The following FOXN3 variants were observed in gnomAD, a reference collection of about 807,000 sequenced individuals.
FOXN3 encodes the protein forkhead box N3, also known as forkhead box protein N3.
A neutral mutation model predicts 38.4 loss-of-function variants in FOXN3; 7 were observed. That is an observed-to-expected ratio of 0.18 (90% CI 0.10 to 0.34). The LOEUF is 0.34. Among genes scored for constraint, FOXN3 ranks in the 10% least tolerant of loss-of-function variants. The probability of loss-of-function intolerance (pLI) is 1.00; values close to 1 mark genes in which losing one functional copy is unlikely to be tolerated. For missense variants in FOXN3, 456 were observed against 613.4 expected (o/e 0.74, Z 2.71); for synonymous variants, 230 against 242.2 (o/e 0.95, Z 0.47).
intron 3 of FOXN3, among the ~76,000 whole-genome samples, chr14:89,287,340 GACAC>G (rs1886659338): frequency 6.6e-6 from 1 of 152,066 alleles, no homozygotes; most frequent in African/African-American, 2.4e-5. Context: ...TTTTAGTAGA[GACAC>G]AGTTTCGCCA....
chr14:89,293,983 C>T (rs1004681313), intron 3 of FOXN3, among the ~76,000 whole-genome samples: 17 of 152,198 alleles, frequency 1.1e-4, no homozygotes, highest in Non-Finnish European at 2.2e-4. Context: ...ACGGACCCAG[C>T]CTTTGGTAAT....
At position 89,162,383 on chromosome 14, in the gene FOXN3, CG is replaced by C; in HGVS notation, c.*30del. On this transcript the variant is annotated 3_prime_UTR_variant, in exon 6 of 6. Coordinates refer to ENST00000557258, the MANE Select transcript of FOXN3 (RefSeq NM_005197.4). This position sits in a 1 kb window ranked among gnomAD's most constrained non-coding sequence, Gnocchi z 7.2. ...TCCTGACATGCTGAAACCAAATGGTCGTAAGTTCAAAACAAATCAGTGACTT... is the reference window on the plus strand; with the variant it reads ...TCCTGACATGCTGAAACCAAATGGTCTAAGTTCAAAACAAATCAGTGACTT... The C allele has an allele frequency of 1.3e-6, 2 of 1,498,746 alleles. No individual in the cohort carries two copies. Among genetic ancestry groups the C allele is most frequent in the South Asian group, 1.4e-5 (1 of 72,532 alleles). 92.8% of individuals were successfully genotyped at this position (1,498,746 alleles called of 1,614,324 possible).
chr14:89,228,579 G>A (rs1373201540), intron 4 of FOXN3, among the ~76,000 whole-genome samples: 1 of 152,084 alleles, frequency 6.6e-6, no homozygotes, highest in Non-Finnish European at 1.5e-5. Flanking sequence ...AAAAGCATAG[G>A]TTTGAAGAGA....
chr14:89,296,743 C>A (rs1212048679), intron 3 of FOXN3, among the ~76,000 whole-genome samples: 1 of 152,212 alleles, frequency 6.6e-6, no homozygotes, highest in African/African-American at 2.4e-5. Flanking sequence ...TCAAGCGATT[C>A]TCCTGCCTCA....
intron 2 of FOXN3, among the ~76,000 whole-genome samples, chr14:89,411,247 G>T (rs2140096599): frequency 6.6e-6 from 1 of 152,302 alleles, no homozygotes; most frequent in African/African-American, 2.4e-5. Flanking sequence ...CACAAAATGG[G>T]TCCCTAGTGC....
At chr14:89,584,496 A>G (rs2139915889) in intron 1 of FOXN3, among the ~76,000 whole-genome samples, 1 of 152,302 alleles carries the variant, frequency 6.6e-6, no homozygotes, top group Admixed American at 6.5e-5. Flanking sequence ...TCACATTCCC[A>G]CCAGCAGAGT....
intron 1 of FOXN3, among the ~76,000 whole-genome samples, chr14:89,551,912 A>G (rs1895012427): frequency 6.6e-6 from 1 of 152,190 alleles, no homozygotes; most frequent in South Asian, 2.1e-4. Flanking sequence ...CTCACGCCAC[A>G]GCAAAAATTC....
intron 1 of FOXN3, among the ~76,000 whole-genome samples, chr14:89,426,792 G>A (rs759825264): frequency 7.9e-5 from 12 of 152,262 alleles, no homozygotes; most frequent in East Asian, 1.9e-4. Flanking sequence ...ACACACAGCC[G>A]GTAAATGATG....
chr14:89,379,154 C>T (rs575048232), intron 2 of FOXN3, among the ~76,000 whole-genome samples: 8 of 152,196 alleles, frequency 5.3e-5, no homozygotes, highest in Non-Finnish European at 8.8e-5. Flanking sequence ...ACGGGAAGAG[C>T]TTGCCCAAGA....
Position 89,204,698 on chromosome 14 carries a change from C to A in FOXN3, c.746-23892G>T, listed in dbSNP as rs181412754. Among the ~76,000 whole-genome samples, 73 of 152,294 alleles carry A rather than the reference C, an allele frequency of 4.8e-4. 2 individuals are homozygous for A. The East Asian group carries it at 0.014, about 29-fold the overall frequency. Reference sequence around the variant, plus strand: ...AGAGCCTGGTTCCTGGGAAGTCCTACATTGGTACAATGAGAAGGCTATGAT... The same window carrying A: ...AGAGCCTGGTTCCTGGGAAGTCCTAAATTGGTACAATGAGAAGGCTATGAT... On this transcript the variant is annotated intron_variant, in intron 4 of 5. Coordinates refer to ENST00000557258, the MANE Select transcript of FOXN3 (RefSeq NM_005197.4).
intron 1 of FOXN3, chr14:89,577,126 T>C (rs1895646138): frequency 6.6e-6 from 1 of 152,218 alleles, no homozygotes; most frequent in South Asian, 2.1e-4. Flanking sequence ...AAGACCCACG[T>C]GTAGCCACAG....
At chr14:89,426,298 C>T (rs113507464) in intron 1 of FOXN3, among the ~76,000 whole-genome samples, 48 of 144,148 alleles carry the variant, frequency 3.3e-4, no homozygotes, top group African/African-American at 1.3e-3. Flanking sequence ...GACCTCAGCT[C>T]ATTGCAATCT....
intron 2 of FOXN3, among the ~76,000 whole-genome samples, chr14:89,378,404 C>T (rs1429509857): frequency 6.6e-6 from 1 of 152,220 alleles, no homozygotes; most frequent in Non-Finnish European, 1.5e-5. Context: ...GGTCTGGGGA[C>T]AGCCCTTGCT....
rs146265118 is a variant in FOXN3, at chr14:89,189,889, C to G, written c.746-9083G>C. Among the ~76,000 whole-genome samples, 303 of 152,318 alleles carry G rather than the reference C, an allele frequency of 2.0e-3. 1 individual carries two copies. Among genetic ancestry groups the G allele is most frequent in the African/African-American group, 6.8e-3 (281 of 41,564 alleles). On this transcript the variant is annotated intron_variant, in intron 4 of 5. Coordinates refer to ENST00000557258, the MANE Select transcript of FOXN3 (RefSeq NM_005197.4). ...ATGGTCCAAGCTGGTAGCGTGGTTT[C>G]ATTTCAAAGATATTCCAGGCTCCAA...
intron 3 of FOXN3, among the ~76,000 whole-genome samples, chr14:89,348,249 T>C (rs1191836906): frequency 1.3e-5 from 2 of 151,968 alleles, no homozygotes; most frequent in Non-Finnish European, 2.9e-5. Context: ...GGCTGACGGG[T>C]GATTCCCCGC....
intron 1 of FOXN3, among the ~76,000 whole-genome samples, chr14:89,466,515 G>A (rs1357289728): frequency 6.6e-6 from 1 of 152,158 alleles, no homozygotes; most frequent in African/African-American, 2.4e-5. Context: ...CGTGCTTGGA[G>A]TCCTAATTCA....
chr14:89,511,247 T>TTTTTCTTTCCTTTCTTTC (rs1566681259), intron 1 of FOXN3, among the ~76,000 whole-genome samples: 3 of 11,298 alleles, frequency 2.7e-4, no homozygotes, highest in African/African-American at 4.4e-4. Flanking sequence ...CTTTTCTTTC[T>TTTTTCTTTCCTTTCTTTC]TTTCTTTCTT....
chr14:89,598,653 TTAA>T, intron 1 of FOXN3, among the ~76,000 whole-genome samples: 1 of 152,198 alleles, frequency 6.6e-6, no homozygotes, highest in Non-Finnish European at 1.5e-5. Flanking sequence ...GAATTTATAG[TTAA>T]TAGTTGTTTT....
At position 89,203,642 on chromosome 14, in the gene FOXN3, G is replaced by C. The variant is rs1289689746; in HGVS notation, c.746-22836C>G. Reference sequence around the variant, plus strand: ...CGGGGGCGTGTGGTATGAATACTCAGATCACAGCATGTGCATGGGGCAGGC... The same window carrying C: ...CGGGGGCGTGTGGTATGAATACTCACATCACAGCATGTGCATGGGGCAGGC... On this transcript the variant is annotated intron_variant, in intron 4 of 5. Coordinates refer to ENST00000557258, the MANE Select transcript of FOXN3 (RefSeq NM_005197.4). 7.2e-5 allele frequency among the ~76,000 whole-genome samples: 11 copies of C among 152,314 alleles called. No individual in the cohort carries two copies. In the South Asian group the frequency reaches 2.3e-3, roughly 32 times the overall value.
Sources: allele counts gnomAD v4.1 joint callset (sites outside exome capture counted in the v4.1 genomes callset), GRCh38; gene constraint gnomAD v4.1.1; non-coding constraint Gnocchi (gnomAD v3.1); transcripts MANE v1.5; gene names NCBI Gene and HGNC (gene_info 2026-07-23, HGNC 2026-07-21).